Variants in PPP1R8 observed in about 807,000 individuals in gnomAD.
PPP1R8 encodes the protein protein phosphatase 1 regulatory subunit 8.
PPP1R8 carries 4 observed loss-of-function variants against 31.3 expected under a neutral mutation model. That is an observed-to-expected ratio of 0.13 (90% CI 0.06 to 0.29). PPP1R8 has a LOEUF of 0.29. PPP1R8 is among the 10% of genes least tolerant of loss of function. The probability of loss-of-function intolerance (pLI) is 1.00; values close to 1 mark genes in which losing one functional copy is unlikely to be tolerated. For synonymous variants in PPP1R8, 170 were observed against 169.7 expected, an observed-to-expected ratio of 1.00 and a Z score of -0.01; for missense variants, 254 against 440.1, an observed-to-expected ratio of 0.58 and a Z score of 3.78.
intron 5 of PPP1R8, among the ~76,000 whole-genome samples, chr1:27,844,674 A>G (rs1273838015): frequency 6.9e-6 from 1 of 144,140 alleles, no homozygotes; most frequent in Non-Finnish European, 1.5e-5. Context: ...ACAGCCAGCA[A>G]TTTGGGAACC....
intron 2 of PPP1R8, chr1:27,834,431 T>C (rs2089141975): frequency 1.9e-6 from 1 of 518,936 alleles, no homozygotes; most frequent in African/African-American, 1.9e-5. Flanking sequence ...GCTGTCTATA[T>C]CCTAGCCTTG....
intron 2 of PPP1R8, chr1:27,834,519 G>A (rs376237544): frequency 6.9e-5 from 36 of 518,998 alleles, no homozygotes; most frequent in Admixed American, 1.9e-4. Context: ...AGTCTTTTAA[G>A]CCCAGTGTGT....
At chr1:27,836,959 A>G (rs543285189) in intron 2 of PPP1R8, among the ~76,000 whole-genome samples, 2 of 152,334 alleles carry the variant, frequency 1.3e-5, no homozygotes, top group African/African-American at 4.8e-5. Context: ...TCCTTTCCCA[A>G]ATATACATTT....
chr1:27,850,521 G>A lies in PPP1R8; in HGVS notation c.*75G>A. The A allele has an allele frequency of 7.5e-7, 1 of 1,331,766 alleles. No homozygotes were observed. The highest frequency in any genetic ancestry group is 1.0e-6 in the Non-Finnish European group (1 of 973,400). The allele number at this position is 1,331,766 out of a possible 1,614,324, so 82.5% of individuals were successfully genotyped here. A position where few individuals can be genotyped will look rare whatever the true frequency, so the allele number is the denominator to read the frequency against. On this transcript the variant is annotated 3_prime_UTR_variant, in exon 7 of 7. Transcript: ENST00000311772. The stretch of plus-strand genomic sequence containing the variant: ...GGTGATGGGGAGCTAATGAACTAGG[G>A]AGAAAAACTTTCCATGTGTGCGGTA...
At chr1:27,837,356 G>A (rs931382112) in intron 2 of PPP1R8, among the ~76,000 whole-genome samples, 9 of 151,520 alleles carry the variant, frequency 5.9e-5, no homozygotes, top group African/African-American at 1.7e-4. Flanking sequence ...GTGTGAACCC[G>A]GGAGGCAGAG....
At chr1:27,837,519 G>A (rs1318001214) in intron 2 of PPP1R8, among the ~76,000 whole-genome samples, 1 of 150,514 alleles carries the variant, frequency 6.6e-6, no homozygotes, top group African/African-American at 2.5e-5. Context: ...GTTGGCTCAT[G>A]CTTGTAATCC....
chr1:27,834,596 G>A, intron 2 of PPP1R8: 1 of 510,970 alleles, frequency 2.0e-6, no homozygotes, highest in South Asian at 1.4e-5. Context: ...AGCTAGTCAA[G>A]AAGCTACGGC....
Position 27,843,166 on chromosome 1 carries a change from C to T in PPP1R8, c.493-20C>T. ...CCCTTTGTACTGACTGCTGTCTTTC[C>T]TGTATGAACCCTGGCTTAGAACCTG... On this transcript the variant is annotated intron_variant, in intron 4 of 6. Coordinates refer to ENST00000311772, the MANE Select transcript of PPP1R8 (RefSeq NM_014110.5). The T allele has an allele frequency of 6.2e-7, 1 of 1,613,824 alleles. No individual in the cohort carries two copies. The highest frequency in any genetic ancestry group is 1.1e-5 in the South Asian group (1 of 91,072).
At position 27,840,997 on chromosome 1, in the gene PPP1R8, G is replaced by GA; in HGVS notation, c.272-16dup. 1 of 1,613,148 alleles carries GA rather than the reference G, an allele frequency of 6.2e-7. No homozygotes were observed. The highest frequency in any genetic ancestry group is 2.2e-5 in the East Asian group (1 of 44,874). On this transcript the variant is annotated splice_polypyrimidine_tract_variant and intron_variant, in intron 3 of 6. Transcript: ENST00000311772. ...TTTTTGTTTTCCCCCTTACGTTTCT[G>GA]ATTTGGTTATTCCCAGCACACGGCA...
In PPP1R8 at chr1:27,847,071, A is replaced by G. The variant is rs1168847257; in HGVS notation, c.681A>G (p.Gln227=). Residue 227 remains glutamine (Q), a synonymous_variant, in exon 6 of 7, where the codon CAA becomes CAG. Coordinates refer to ENST00000311772, the MANE Select transcript of PPP1R8 (RefSeq NM_014110.5). ...PSVGRFRNMV[Q]TAVVPVKKKR... The stretch of plus-strand genomic sequence containing the variant: ...TTGGTCGATTCAGGAACATGGTGCA[A>G]ACTGCAGTGGTCCCAGTCAAGGTAG... 2 of 1,614,032 alleles carry G rather than the reference A, an allele frequency of 1.2e-6. No individual in the cohort carries two copies. The highest frequency in any genetic ancestry group is 1.7e-6 in the Non-Finnish European group (2 of 1,179,948).
At position 27,838,793 on chromosome 1, in the gene PPP1R8, A is replaced by G; in HGVS notation, c.212A>G (p.His71Arg). 2 of 1,612,946 alleles carry G rather than the reference A, an allele frequency of 1.2e-6. No homozygotes were observed. Among genetic ancestry groups the G allele is most frequent in the Non-Finnish European group, 1.7e-6 (2 of 1,179,516 alleles). The change falls in exon 3 of 7, where the codon CAT becomes CGT. Residue 71 changes from histidine to arginine, a missense_variant. This residue lies in a region of PPP1R8 where 52 missense variants were observed against 145.3 expected (regional missense o/e 0.36). Transcript: ENST00000311772. ...GACCACCAGTCTTGCTCTCGGGTCC[A>G]TGCTGCACTTGTCTACCACAAGCAT... is the stretch of plus-strand genomic sequence containing the variant. ...TIDHQSCSRV[H>R]AALVYHKHLK...
intron 1 of PPP1R8, chr1:27,831,261 C>G (rs2089101694): frequency 9.9e-7 from 1 of 1,012,794 alleles, no homozygotes; most frequent in African/African-American, 1.7e-5. Flanking sequence ...GTCCCGAGCG[C>G]GCTCGAGCCA....
At chr1:27,832,717 C>T (rs751868901) in intron 1 of PPP1R8, 39 bp from the exon 2 acceptor site, 50 of 1,544,456 alleles carry the variant, frequency 3.2e-5, no homozygotes, top group Non-Finnish European at 4.2e-5. Context: ...CATTTATAAA[C>T]CCATCCTGAA....
At chr1:27,838,019 G>A (rs1225526532) in intron 2 of PPP1R8, among the ~76,000 whole-genome samples, 1 of 151,646 alleles carries the variant, frequency 6.6e-6, no homozygotes, top group Non-Finnish European at 1.5e-5. Context: ...AGACCAGCCT[G>A]GCCAACATGG....
Position 27,841,196 on chromosome 1 carries a change from G to C in PPP1R8, c.454G>C (p.Gly152Arg). Reference protein sequence around the residue: ...KMGGEDDELKGLLGLPEEETE... With the variant: ...KMGGEDDELKRLLGLPEEETE... ...GGGTGGAGAGGATGATGAACTCAAG[G>C]GCTTACTGGGGCTTCCAGAGGAGGA... The change falls in exon 4 of 7, where the codon GGC becomes CGC. Residue 152 changes from glycine (G) to arginine (R), a missense_variant. Transcript: ENST00000311772. The C allele has an allele frequency of 6.2e-7, 1 of 1,614,178 alleles. No individual in the cohort carries two copies. The highest frequency in any genetic ancestry group is 8.5e-7 in the Non-Finnish European group (1 of 1,180,034).
intron 4 of PPP1R8, 44 bp from the exon 5 acceptor site, chr1:27,843,142 C>A (rs1330900876): frequency 1.2e-6 from 2 of 1,611,826 alleles, no homozygotes; most frequent in Non-Finnish European, 1.7e-6. Flanking sequence ...CATCAGATTC[C>A]CTTTGTACTG....
At chr1:27,850,050 C>A in intron 6 of PPP1R8, 43 bp from the exon 7 acceptor site, 2 of 1,502,300 alleles carry the variant, frequency 1.3e-6, no homozygotes, top group Non-Finnish European at 8.9e-7. Flanking sequence ...CACCTCTTGT[C>A]TTCTCTCTCC....
intron 4 of PPP1R8, among the ~76,000 whole-genome samples, chr1:27,841,435 C>G (rs2089221749): frequency 6.6e-6 from 1 of 152,122 alleles, no homozygotes; most frequent in Non-Finnish European, 1.5e-5. Flanking sequence ...TGTGTATCAC[C>G]AGGCCTAACA....
intron 6 of PPP1R8, among the ~76,000 whole-genome samples, chr1:27,848,257 T>C (rs996141501): frequency 6.6e-6 from 1 of 151,714 alleles, no homozygotes; most frequent in Non-Finnish European, 1.5e-5. Flanking sequence ...AAAAAAAAAT[T>C]AGTTGGGCGT....
Sources: allele counts gnomAD v4.1 joint callset (sites outside exome capture counted in the v4.1 genomes callset), GRCh38; gene constraint gnomAD v4.1.1; regional missense constraint gnomAD v4.1.1; transcripts MANE v1.5; gene names NCBI Gene and HGNC (gene_info 2026-07-23, HGNC 2026-07-21).